PAK3: variants seen among roughly 807,000 people sequenced by gnomAD.
PAK3 encodes serine/threonine-protein kinase PAK 3.
A neutral mutation model predicts 41.0 loss-of-function variants in PAK3; 4 were observed. The ratio of observed to expected loss-of-function variants is 0.10; its 90% CI spans 0.05 to 0.22. The LOEUF (loss-of-function observed/expected upper bound fraction) is 0.22, where lower values mean the gene tolerates loss of function less well. PAK3 is among the 10% of genes least tolerant of loss of function. The pLI is 1.00. For missense variants in PAK3, 205 were observed against 409.9 expected (o/e 0.50, Z 4.32); for synonymous variants, 146 against 139.6 (o/e 1.05, Z -0.32).
chrX:111,178,959 T>TTATATA (rs1166414505), intron 11 of PAK3, among the ~76,000 whole-genome samples: 5 of 98,788 alleles, frequency 5.1e-5, no homozygotes, highest in African/African-American at 2.0e-4. Flanking sequence ...ATAAACTGTT[T>TTATATA]TATATATATA....
At chrX:111,086,410 G>T (rs1326435681) in intron 1 of PAK3, among the ~76,000 whole-genome samples, 1 of 111,252 alleles carries the variant, frequency 9.0e-6, no homozygotes, top group African/African-American at 3.3e-5. Flanking sequence ...CGGAGTGTAG[G>T]GAGAATGGTG....
chrX:111,034,550 C>G (rs1021363003), intron 1 of PAK3, among the ~76,000 whole-genome samples: 2 of 111,618 alleles, frequency 1.8e-5, no homozygotes, highest in Admixed American at 9.5e-5. Flanking sequence ...CAGGTCCGAA[C>G]CAGTATATTA....
chrX:111,069,452 T>C (rs1377361329), intron 1 of PAK3, among the ~76,000 whole-genome samples: 1 of 111,879 alleles, frequency 8.9e-6, no homozygotes, highest in Non-Finnish European at 1.9e-5. Flanking sequence ...AACCTACTGT[T>C]TCTAACAAAG....
At chrX:111,106,104 TC>T (rs1170967555) in intron 4 of PAK3, among the ~76,000 whole-genome samples, 1 of 110,564 alleles carries the variant, frequency 9.0e-6, no homozygotes, top group Non-Finnish European at 1.9e-5. Flanking sequence ...GTGTACCCCC[TC>T]ACACACCATC....
At chrX:111,122,947 C>A (rs1001238953) in intron 4 of PAK3, 130 bp from the exon 5 acceptor site, 2 of 518,687 alleles carry the variant, frequency 3.9e-6, no homozygotes, top group Non-Finnish European at 3.4e-6. Flanking sequence ...CCCCTAAAAA[C>A]GATCCTCACA....
At chrX:111,144,866 C>T in intron 6 of PAK3, 1 of 1,133,782 alleles carries the variant, frequency 8.8e-7, no homozygotes, top group Non-Finnish European at 1.2e-6. Context: ...TCAGAACTCC[C>T]CTTTCCAGAC....
chrX:110,987,727 G>A (rs184214367), intron 1 of PAK3, among the ~76,000 whole-genome samples: 1 of 111,900 alleles, frequency 8.9e-6, no homozygotes, highest in East Asian at 2.8e-4. Flanking sequence ...TGTCTCTGGT[G>A]GTTGACCTGG....
At chrX:111,060,928 A>T (rs1386646815) in intron 1 of PAK3, among the ~76,000 whole-genome samples, 2 of 111,666 alleles carry the variant, frequency 1.8e-5, no homozygotes, top group Non-Finnish European at 1.9e-5. Flanking sequence ...AAATTGATAG[A>T]TGAAGGTGAG....
At chrX:111,020,669 C>T (rs2092164365) in intron 1 of PAK3, among the ~76,000 whole-genome samples, 1 of 111,783 alleles carries the variant, frequency 8.9e-6, no homozygotes, top group Non-Finnish European at 1.9e-5. Flanking sequence ...TTTGAAGGAA[C>T]TGGATCACCA....
At chrX:111,113,972 T>G (rs2093419659) in intron 4 of PAK3, among the ~76,000 whole-genome samples, 1 of 112,385 alleles carries the variant, frequency 8.9e-6, no homozygotes, top group African/African-American at 3.2e-5. Flanking sequence ...TTTTTATGGC[T>G]GCATAGTATT....
chrX:111,059,547 G>A (rs760733511), intron 1 of PAK3, among the ~76,000 whole-genome samples: 3 of 111,359 alleles, frequency 2.7e-5, no homozygotes, highest in Non-Finnish European at 5.7e-5. Flanking sequence ...CCATGTTAAT[G>A]TTAAACCTTC....
chrX:111,031,437 T>A (rs762985651), intron 1 of PAK3, among the ~76,000 whole-genome samples: 5 of 112,115 alleles, frequency 4.5e-5, no homozygotes, highest in African/African-American at 6.5e-5. Context: ...TAACACTTTC[T>A]GGTTGATGCT....
intron 1 of PAK3, among the ~76,000 whole-genome samples, chrX:111,086,541 C>A (rs1453392152): frequency 9.0e-6 from 1 of 111,574 alleles, no homozygotes; most frequent in Non-Finnish European, 1.9e-5. Flanking sequence ...CAAAGACAAT[C>A]TCACGATTAG....
At chrX:111,079,347 A>G (rs2092814861) in intron 1 of PAK3, among the ~76,000 whole-genome samples, 1 of 112,004 alleles carries the variant, frequency 8.9e-6, no homozygotes, top group African/African-American at 3.2e-5. Flanking sequence ...ATGTTCATTT[A>G]CCATTCTGAA....
intron 1 of PAK3, among the ~76,000 whole-genome samples, chrX:111,037,803 C>T (rs1400179029): frequency 3.6e-5 from 4 of 111,547 alleles, no homozygotes; most frequent in African/African-American, 1.3e-4. Flanking sequence ...ATTTAAAAAA[C>T]CTGATTATAT....
chrX:111,011,453 C>T (rs368690335), intron 1 of PAK3, among the ~76,000 whole-genome samples: 40 of 111,983 alleles, frequency 3.6e-4, no homozygotes, highest in African/African-American at 1.3e-3. Context: ...GCAAAGCAGG[C>T]AGACAAAAAG....
chrX:111,012,370 G>T (rs897866301), intron 1 of PAK3, among the ~76,000 whole-genome samples: 1 of 111,711 alleles, frequency 9.0e-6, no homozygotes, highest in Non-Finnish European at 1.9e-5. Context: ...TCTCTTCATT[G>T]GGATCCCAGA....
intron 5 of PAK3, among the ~76,000 whole-genome samples, chrX:111,136,780 C>G (rs1226400048): frequency 8.9e-6 from 1 of 112,015 alleles, no homozygotes; most frequent in Non-Finnish European, 1.9e-5. Context: ...TGGTTCTTCA[C>G]TCTGGCTGTG....
chrX:111,115,920 GCA>G (rs1329604781), intron 4 of PAK3, among the ~76,000 whole-genome samples: 1 of 111,573 alleles, frequency 9.0e-6, no homozygotes, highest in African/African-American at 3.3e-5. Context: ...GAGCCATGAT[GCA>G]CAGTTTGAAA....
Sources: gnomAD v4.1 joint callset for allele counts (sites outside exome capture counted in the v4.1 genomes callset) on GRCh38, gnomAD v4.1.1 for gene constraint, MANE v1.5 for transcripts, NCBI Gene and HGNC (gene_info 2026-07-23, HGNC 2026-07-21) for gene names.